Variants in SCARA3 observed in about 807,000 individuals in gnomAD.
SCARA3 encodes scavenger receptor class A member 3.
In SCARA3, 39 loss-of-function variants were observed where a neutral mutation model predicts 47.0. That is an observed-to-expected ratio of 0.83 (90% CI 0.64 to 1.08). The LOEUF is 1.08. SCARA3 is among the 50% of genes least tolerant of loss of function. The pLI is 0.00. For synonymous variants in SCARA3, 356 were observed against 334.1 expected (o/e 1.07, Z -0.71); for missense variants, 724 against 792.3 (o/e 0.91, Z 1.04).
chr8:27,635,174 A>T (rs1419070414), intron 1 of SCARA3, among the ~76,000 whole-genome samples: 2 of 152,118 alleles, frequency 1.3e-5, no homozygotes, highest in Non-Finnish European at 2.9e-5. Context: ...ACAGGTATGG[A>T]GGTGGAAGAG....
downstream of SCARA3, among the ~76,000 whole-genome samples, chr8:27,676,296 C>T (rs1021516012): frequency 1.3e-5 from 2 of 152,252 alleles, no homozygotes; most frequent in Admixed American, 6.5e-5. Context: ...AGGCTTCACA[C>T]TGAGGGCTGC....
the SCARA3 span, among the ~76,000 whole-genome samples, chr8:27,725,151 A>AAAAC: frequency 9.2e-5 from 14 of 152,144 alleles, no homozygotes; most frequent in Non-Finnish European, 2.1e-4. Context: ...CCCTGTCTCT[A>AAAAC]AAACAAACAA....
At chr8:27,683,558 G>A in the SCARA3 span, among the ~76,000 whole-genome samples, 1 of 152,266 alleles carries the variant, frequency 6.6e-6, no homozygotes, top group Non-Finnish European at 1.5e-5. Flanking sequence ...GTAGGAGTAT[G>A]AAATGGTAGA....
chr8:27,676,512 A>C (rs1802279658), downstream of SCARA3: 1 of 1,598,440 alleles, frequency 6.3e-7, no homozygotes, highest in Non-Finnish European at 8.5e-7. Context: ...AAATCCCCTG[A>C]AGTGAGGAAC....
At chr8:27,708,475 G>A in the SCARA3 span, among the ~76,000 whole-genome samples, 1,014 of 152,198 alleles carry the variant, frequency 6.7e-3, 15 homozygotes, top group African/African-American at 0.023. Context: ...GGGGGACATA[G>A]TAAGAGCTAC....
chr8:27,665,041 A>C (rs1490564594), intron 5 of SCARA3, among the ~76,000 whole-genome samples: 1 of 152,200 alleles, frequency 6.6e-6, no homozygotes, highest in Non-Finnish European at 1.5e-5. Context: ...ACAGGCTGTG[A>C]CACAGGAGCT....
chr8:27,676,202 C>T (rs551190860), downstream of SCARA3, among the ~76,000 whole-genome samples: 1 of 152,246 alleles, frequency 6.6e-6, no homozygotes, highest in African/African-American at 2.4e-5. Flanking sequence ...TTAGATAAGA[C>T]CTGTGTTTGC....
intron 1 of SCARA3, among the ~76,000 whole-genome samples, chr8:27,636,839 G>A (rs993366771): frequency 6.6e-6 from 1 of 152,196 alleles, no homozygotes; most frequent in African/African-American, 2.4e-5. Context: ...CCCTCTACCA[G>A]AGATGGAAAT....
chr8:27,725,888 C>T, the SCARA3 span, among the ~76,000 whole-genome samples: 2 of 152,202 alleles, frequency 1.3e-5, no homozygotes, highest in African/African-American at 4.8e-5. Flanking sequence ...TGGCAGCTGA[C>T]AGCTGTCTTG....
chr8:27,700,732 A>C, the SCARA3 span, among the ~76,000 whole-genome samples: 1 of 152,380 alleles, frequency 6.6e-6, no homozygotes, highest in South Asian at 2.1e-4. Context: ...AATGCAAATG[A>C]AACCACTCTG....
intron 5 of SCARA3, among the ~76,000 whole-genome samples, chr8:27,668,543 T>G (rs1802070757): frequency 1.6e-5 from 1 of 62,138 alleles, no homozygotes; most frequent in Non-Finnish European, 4.2e-5. Context: ...CGAGACTCCG[T>G]CTCAAAAAAA....
the SCARA3 span, among the ~76,000 whole-genome samples, chr8:27,725,766 T>C: frequency 5.3e-5 from 8 of 152,068 alleles, no homozygotes; most frequent in African/African-American, 1.9e-4. Flanking sequence ...AGGGAAGAGT[T>C]GGGGGGTCTT....
chr8:27,693,734 G>A, the SCARA3 span, among the ~76,000 whole-genome samples: 1 of 152,142 alleles, frequency 6.6e-6, no homozygotes, highest in Non-Finnish European at 1.5e-5. Context: ...TCTGTCTAAA[G>A]CCTGCTACCT....
In SCARA3 at chr8:27,658,650, C is replaced by T. The variant is rs1315718347; in HGVS notation, c.480C>T (p.Leu160=). ...AGACCTTACAGGCCCAGGAGGTGCT[C>T]TCCACCACCAGCAGACAAATCTCCC... ...LDQTLQAQEV[L]STTSRQISQE... is the part of the protein sequence containing the mutation. The change falls in exon 5 of 6, where the codon CTC becomes CTT. Residue 160 remains leucine, a synonymous_variant. Coordinates refer to ENST00000301904, the MANE Select transcript of SCARA3 (RefSeq NM_016240.3). The T allele has an allele frequency of 1.9e-5, 31 of 1,614,132 alleles. No individual in the cohort carries two copies. The highest frequency in any genetic ancestry group is 3.3e-5 in the Admixed American group (2 of 60,018).
At chr8:27,648,850 G>T (rs1350869514) in intron 1 of SCARA3, among the ~76,000 whole-genome samples, 2 of 148,358 alleles carry the variant, frequency 1.3e-5, no homozygotes, top group Non-Finnish European at 3.0e-5. Context: ...GGAGAGAGAA[G>T]GAAAGGAGGG....
chr8:27,731,703 G>C, the SCARA3 span, among the ~76,000 whole-genome samples: 2 of 147,536 alleles, frequency 1.4e-5, no homozygotes, highest in African/African-American at 5.0e-5. Context: ...GTCTATTTCA[G>C]ACCTTCCAGC....
chr8:27,655,228 G>C (rs984696896), intron 3 of SCARA3, among the ~76,000 whole-genome samples: 2 of 152,126 alleles, frequency 1.3e-5, no homozygotes, highest in African/African-American at 4.8e-5. Flanking sequence ...CTGAGCTCAA[G>C]AAAGGGTAAC....
At chr8:27,652,182 T>TG (rs1801647675) in intron 3 of SCARA3, among the ~76,000 whole-genome samples, 1 of 152,224 alleles carries the variant, frequency 6.6e-6, no homozygotes, top group Non-Finnish European at 1.5e-5. Flanking sequence ...CCAAGGAATC[T>TG]GGGGGGTCCT....
At position 27,648,620 on chromosome 8, in the gene SCARA3, G is replaced by GA. The variant is rs559938482; in HGVS notation, c.8-1076dup. 3.0e-3 allele frequency among the ~76,000 whole-genome samples: 453 copies of GA among 151,818 alleles called. 6 individuals are homozygous for GA. The highest frequency in any genetic ancestry group is 0.01 in the Middle Eastern group (3 of 294). On this transcript the variant is annotated intron_variant, in intron 1 of 5. Transcript: ENST00000301904. ...CTTTGTCTCAAAAGAAAAAAAAAAG[G>GA]AAAAAAGGAAAACTTGAAGCTTCTA...
Sources: allele counts gnomAD v4.1 joint callset (sites outside exome capture counted in the v4.1 genomes callset), GRCh38; gene constraint gnomAD v4.1.1; transcripts MANE v1.5; gene names NCBI Gene and HGNC (gene_info 2026-07-23, HGNC 2026-07-21).